Variants in EIPR1 observed in about 807,000 individuals in gnomAD.
EIPR1 encodes the protein EARP complex and GARP complex interacting protein 1.
A neutral mutation model predicts 48.1 loss-of-function variants in EIPR1; 25 were observed. That is an observed-to-expected ratio of 0.52 (90% CI 0.38 to 0.73). EIPR1 has a LOEUF of 0.73. Ranked by LOEUF, EIPR1 falls within the 30% of genes least tolerant of loss-of-function variation. The probability of loss-of-function intolerance (pLI) is 0.00; values close to 1 mark genes in which losing one functional copy is unlikely to be tolerated. For missense variants in EIPR1, 415 were observed against 506.2 expected (o/e 0.82, Z 1.73); for synonymous variants, 204 against 201.9 (o/e 1.01, Z -0.09).
At chr2:3,260,202 T>G (rs946108770) in intron 3 of EIPR1, among the ~76,000 whole-genome samples, 1 of 152,190 alleles carries the variant, frequency 6.6e-6, no homozygotes, top group South Asian at 2.1e-4. Flanking sequence ...ATTAAAGAAA[T>G]GAAGCAGTGG....
At chr2:3,326,104 C>T (rs1669690478) in intron 3 of EIPR1, among the ~76,000 whole-genome samples, 1 of 152,234 alleles carries the variant, frequency 6.6e-6, no homozygotes, top group Non-Finnish European at 1.5e-5. Flanking sequence ...GGGTAAGGTG[C>T]CCTGGACTGG....
rs752557871 is a variant in EIPR1, at chr2:3,286,462, G to A, written c.260-29007C>T. ...GGGGTGGGGCCATCCTACCAGGCAT[G>A]TCCTGGGCACATGGGAAGACCGAGA... On this transcript the variant is annotated intron_variant, in intron 3 of 8. Transcript: ENST00000382125. The surrounding 1 kb of genome is among the most constrained non-coding windows in gnomAD (Gnocchi z 4.2). Among the ~76,000 whole-genome samples, 3 of 152,188 alleles carry A rather than the reference G, an allele frequency of 2.0e-5. No homozygotes were observed. Among genetic ancestry groups the A allele is most frequent in the Non-Finnish European group, 4.4e-5 (3 of 68,032 alleles).
intron 3 of EIPR1, among the ~76,000 whole-genome samples, chr2:3,323,387 T>C (rs1223454483): frequency 1.3e-5 from 2 of 152,224 alleles, no homozygotes; most frequent in Non-Finnish European, 2.9e-5. Flanking sequence ...ACGACAAATC[T>C]GACACCATGA....
intron 1 of EIPR1, among the ~76,000 whole-genome samples, chr2:3,363,803 C>CA (rs372598069): frequency 0.5 from 66,306 of 132,222 alleles, 17,320 homozygotes; most frequent in Admixed American, 0.61. Flanking sequence ...AACTCAACAG[C>CA]AAAAAAAAAA....
intron 3 of EIPR1, among the ~76,000 whole-genome samples, chr2:3,289,463 G>A (rs1201413226): frequency 6.6e-6 from 1 of 152,092 alleles, no homozygotes; most frequent in African/African-American, 2.4e-5. Flanking sequence ...CGAACTGAGG[G>A]ACCACGGGAT....
chr2:3,376,658 T>C (rs1659894032), intron 1 of EIPR1, among the ~76,000 whole-genome samples: 1 of 147,056 alleles, frequency 6.8e-6, no homozygotes, highest in Non-Finnish European at 1.5e-5. Flanking sequence ...GCCACTGCAC[T>C]CTAGCCTGGG....
At chr2:3,200,547 C>A (rs7585190) in intron 5 of EIPR1, among the ~76,000 whole-genome samples, 2 of 152,032 alleles carry the variant, frequency 1.3e-5, no homozygotes, top group African/African-American at 2.4e-5. Context: ...ATCCCACACA[C>A]GGACCAAGCA....
At chr2:3,254,584 G>A (rs1298612161) in intron 4 of EIPR1, among the ~76,000 whole-genome samples, 4 of 152,278 alleles carry the variant, frequency 2.6e-5, no homozygotes, top group East Asian at 3.9e-4. Flanking sequence ...GAATCAAGCC[G>A]AGTAAAGAAC....
In EIPR1 at chr2:3,213,009, C is replaced by T. The variant is rs1482742867; in HGVS notation, c.516+1140G>A. Among the ~76,000 whole-genome samples, 4 of 152,250 alleles carry T rather than the reference C, an allele frequency of 2.6e-5. No individual in the cohort carries two copies. In the East Asian group the frequency reaches 7.7e-4, roughly 29 times the overall value. ...GTGCCACTTATTAATAATGATGCAT[C>T]ATTATTCATACCACCTCGTCAGCCT... On this transcript the variant is annotated intron_variant, in intron 5 of 8. Transcript: ENST00000382125.
At chr2:3,232,399 T>C (rs1387031180) in intron 4 of EIPR1, among the ~76,000 whole-genome samples, 1 of 152,212 alleles carries the variant, frequency 6.6e-6, no homozygotes, top group Non-Finnish European at 1.5e-5. Context: ...TTGAGTTGAT[T>C]ATTTGAGATC....
intron 3 of EIPR1, among the ~76,000 whole-genome samples, chr2:3,330,338 A>G (rs1669848220): frequency 6.6e-6 from 1 of 152,240 alleles, no homozygotes; most frequent in Admixed American, 6.5e-5. Flanking sequence ...CTAGTATAAC[A>G]GATCAAGTTA....
intron 3 of EIPR1, among the ~76,000 whole-genome samples, chr2:3,336,873 AAGGG>A (rs1670065786): frequency 9.3e-6 from 1 of 107,098 alleles, no homozygotes; most frequent in Non-Finnish European, 2.0e-5. Context: ...GGGAAAAGGG[AAGGG>A]AAGGGAAAAG....
chr2:3,361,768 C>T (rs1670857034), intron 1 of EIPR1, among the ~76,000 whole-genome samples: 1 of 151,450 alleles, frequency 6.6e-6, no homozygotes, highest in Admixed American at 6.6e-5. Context: ...CTCCCTCACA[C>T]GGGCACCTCC....
chr2:3,354,056 G>A (rs1472441704), intron 2 of EIPR1, among the ~76,000 whole-genome samples: 3 of 152,132 alleles, frequency 2.0e-5, no homozygotes, highest in Admixed American at 2.0e-4. Flanking sequence ...AACCGAATCC[G>A]ATCTCCTAAG....
intron 3 of EIPR1, among the ~76,000 whole-genome samples, chr2:3,270,471 C>T (rs1444036115): frequency 6.6e-6 from 1 of 152,176 alleles, no homozygotes; most frequent in Non-Finnish European, 1.5e-5. Context: ...TGGATGAAAT[C>T]CCCTCTTTCT....
At chr2:3,213,610 G>A (rs1665529552) in intron 5 of EIPR1, among the ~76,000 whole-genome samples, 1 of 152,106 alleles carries the variant, frequency 6.6e-6, no homozygotes, top group East Asian at 1.9e-4. Context: ...ATACTCCTGG[G>A]CATCCCACTC....
chr2:3,332,830 G>A (rs897867943), intron 3 of EIPR1, among the ~76,000 whole-genome samples: 25 of 152,256 alleles, frequency 1.6e-4, no homozygotes, highest in African/African-American at 5.3e-4. Flanking sequence ...ATCATCACAG[G>A]TAATAACTGA....
chr2:3,348,016 T>C (rs1053520806), intron 2 of EIPR1, among the ~76,000 whole-genome samples: 37 of 152,180 alleles, frequency 2.4e-4, no homozygotes, highest in Non-Finnish European at 4.9e-4. Flanking sequence ...AATCTGAATG[T>C]TGACCAAGCA....
intron 5 of EIPR1, among the ~76,000 whole-genome samples, chr2:3,207,550 C>T (rs906969022): frequency 3.3e-5 from 5 of 152,250 alleles, no homozygotes; most frequent in Non-Finnish European, 7.3e-5. Flanking sequence ...ACCAAAGCTC[C>T]AGCAGCATGT....
Sources: gnomAD v4.1 joint callset for allele counts (sites outside exome capture counted in the v4.1 genomes callset) on GRCh38, gnomAD v4.1.1 for gene constraint, Gnocchi (gnomAD v3.1) non-coding constraint, MANE v1.5 for transcripts, NCBI Gene and HGNC (gene_info 2026-07-23, HGNC 2026-07-21) for gene names.